The following SEMA5A variants were observed in gnomAD, a reference collection of about 807,000 sequenced individuals.
The protein encoded by SEMA5A is semaphorin 5A.
A neutral mutation model predicts 135.5 loss-of-function variants in SEMA5A; 55 were observed. The observed-to-expected ratio is 0.41, with a 90% CI of 0.33 to 0.51. The LOEUF (loss-of-function observed/expected upper bound fraction) is 0.51. SEMA5A is among the 20% of genes least tolerant of loss of function. The pLI is 0.37. For synonymous variants in SEMA5A, 580 were observed against 546.5 expected (o/e 1.06, Z -0.85); for missense variants, 1,290 against 1,419.9 (o/e 0.91, Z 1.47).
intron 3 of SEMA5A, among the ~76,000 whole-genome samples, chr5:9,374,162 A>T (rs1018069070): frequency 6.6e-6 from 1 of 152,224 alleles, no homozygotes; most frequent in African/African-American, 2.4e-5. Context: ...ACACAGAGTC[A>T]GGCAAGTAAC....
intron 2 of SEMA5A, among the ~76,000 whole-genome samples, chr5:9,397,205 CCCACATATACACAT>C (rs1482751100): frequency 1.3e-5 from 2 of 152,210 alleles, no homozygotes; most frequent in Non-Finnish European, 2.9e-5. Context: ...TAGTTGCACA[CCCACATATACACAT>C]CCACACAGCT....
chr5:9,086,468 C>T (rs1738696484), intron 16 of SEMA5A, among the ~76,000 whole-genome samples: 4 of 152,032 alleles, frequency 2.6e-5, no homozygotes, highest in Admixed American at 2.6e-4. Flanking sequence ...TGGGAGTTTC[C>T]CTGCACGAGC....
intron 3 of SEMA5A, among the ~76,000 whole-genome samples, chr5:9,375,342 T>G (rs1755321630): frequency 6.6e-6 from 1 of 151,968 alleles, no homozygotes; most frequent in Non-Finnish European, 1.5e-5. Flanking sequence ...TCAACATGAC[T>G]TATGTCCTTA....
intron 2 of SEMA5A, among the ~76,000 whole-genome samples, chr5:9,382,750 A>T (rs1755671789): frequency 6.6e-6 from 1 of 152,204 alleles, no homozygotes. Context: ...AGGAACCAAG[A>T]AGCATGAGGT....
chr5:9,045,335 T>TTCTAA (rs753419850), intron 21 of SEMA5A, among the ~76,000 whole-genome samples: 7 of 152,224 alleles, frequency 4.6e-5, no homozygotes, highest in Non-Finnish European at 7.3e-5. Context: ...GCAGCTACTT[T>TTCTAA]TCTAATCTAC....
chr5:9,387,683 G>C (rs1431655393), intron 2 of SEMA5A, among the ~76,000 whole-genome samples: 3 of 152,220 alleles, frequency 2.0e-5, no homozygotes, highest in Non-Finnish European at 4.4e-5. Flanking sequence ...TCTAGGTACA[G>C]TGTAGGAAAT....
At chr5:9,253,273 T>C (rs1209577778) in intron 5 of SEMA5A, among the ~76,000 whole-genome samples, 1 of 152,172 alleles carries the variant, frequency 6.6e-6, no homozygotes, top group African/African-American at 2.4e-5. Flanking sequence ...TTCTTCTTTG[T>C]TTTTCCAAGT....
At chr5:9,271,525 C>T (rs1749973684) in intron 5 of SEMA5A, among the ~76,000 whole-genome samples, 1 of 152,074 alleles carries the variant, frequency 6.6e-6, no homozygotes, top group African/African-American at 2.4e-5. Context: ...TTAGAACTTG[C>T]TAGAGACTTA....
At chr5:9,530,536 T>G (rs1737382395) in intron 1 of SEMA5A, among the ~76,000 whole-genome samples, 1 of 152,212 alleles carries the variant, frequency 6.6e-6, no homozygotes, top group South Asian at 2.1e-4. Context: ...CAGGTGCTTC[T>G]CTTTCAGGTT....
At chr5:9,113,172 G>T (rs1384494517) in intron 15 of SEMA5A, among the ~76,000 whole-genome samples, 1 of 152,076 alleles carries the variant, frequency 6.6e-6, no homozygotes, top group African/African-American at 2.4e-5. Context: ...ATAAACACCT[G>T]GTGCTTTAAA....
intron 1 of SEMA5A, among the ~76,000 whole-genome samples, chr5:9,494,795 T>C (rs1291793236): frequency 6.6e-6 from 1 of 152,204 alleles, no homozygotes; most frequent in Non-Finnish European, 1.5e-5. Context: ...ATTTAGATAT[T>C]AGGCAAGAGA....
intron 13 of SEMA5A, among the ~76,000 whole-genome samples, chr5:9,131,123 G>A (rs189958765): frequency 1.6e-4 from 24 of 152,272 alleles, no homozygotes; most frequent in Admixed American, 9.8e-4. Context: ...TTTCTGTAAA[G>A]GAATACCTGA....
intron 18 of SEMA5A, among the ~76,000 whole-genome samples, chr5:9,058,442 A>AGTTC (rs1737009462): frequency 1.3e-5 from 2 of 152,334 alleles, no homozygotes; most frequent in African/African-American, 2.4e-5. Context: ...TAGCTCAAGA[A>AGTTC]ATACTGGTTC....
In SEMA5A at chr5:9,087,728, A is replaced by G. The variant is rs146694185; in HGVS notation, c.2073+20412T>C. ...GTTCATATATAAGGTTATCTAAACC[A>G]ACAAATGCAGTTACAAATCTGTTCT... On this transcript the variant is annotated intron_variant, in intron 16 of 22. Coordinates refer to ENST00000382496, the MANE Select transcript of SEMA5A (RefSeq NM_003966.3). 1.7e-3 allele frequency among the ~76,000 whole-genome samples: 255 copies of G among 152,240 alleles called. 4 individuals are homozygous for G. Among genetic ancestry groups the G allele is most frequent in the African/African-American group, 5.5e-3 (230 of 41,550 alleles).
rs898198689 is a variant in SEMA5A, at chr5:9,171,175, CT to C, written c.1274-16481del. Among the ~76,000 whole-genome samples, 23 of 152,114 alleles carry C rather than the reference CT, an allele frequency of 1.5e-4. No homozygotes were observed. The South Asian group carries it at 3.1e-3, about 21-fold the overall frequency. ...TCTATTCAACTCACACAATTCTGTC[CT>C]TTTTTTTCTTTTAAAACACGCTCTG... On this transcript the variant is annotated intron_variant, in intron 11 of 22. Transcript: ENST00000382496.
intron 1 of SEMA5A, among the ~76,000 whole-genome samples, chr5:9,448,760 A>T (rs1290371262): frequency 6.6e-6 from 1 of 151,826 alleles, no homozygotes; most frequent in African/African-American, 2.4e-5. Context: ...TCTGAAATCC[A>T]GGTGGCCCTG....
chr5:9,191,623 G>GA (rs1745117697), intron 10 of SEMA5A, among the ~76,000 whole-genome samples: 1 of 22,180 alleles, frequency 4.5e-5, no homozygotes, highest in Non-Finnish European at 9.1e-5. Context: ...ATTGCTTTTT[G>GA]AAAAGTAGAT....
At chr5:9,485,602 A>G (rs1368297312) in intron 1 of SEMA5A, among the ~76,000 whole-genome samples, 1 of 152,242 alleles carries the variant, frequency 6.6e-6, no homozygotes. Context: ...CTGTCTAGAT[A>G]GAGCCACCAG....
intron 15 of SEMA5A, among the ~76,000 whole-genome samples, chr5:9,110,129 GAGA>G (rs1345184332): frequency 6.6e-6 from 1 of 152,158 alleles, no homozygotes; most frequent in Non-Finnish European, 1.5e-5. Flanking sequence ...AAAGATCATT[GAGA>G]AGAACAAAAC....
Sources: gnomAD v4.1 joint callset for allele counts (sites outside exome capture counted in the v4.1 genomes callset) on GRCh38, gnomAD v4.1.1 for gene constraint, MANE v1.5 for transcripts, NCBI Gene and HGNC (gene_info 2026-07-23, HGNC 2026-07-21) for gene names.